DEFB131A: variants seen among roughly 807,000 people sequenced by gnomAD.
DEFB131A encodes the protein defensin beta 131A.
Under a neutral mutation model 2.4 loss-of-function variants are expected in DEFB131A, and 5 were observed. The ratio of observed to expected loss-of-function variants is 2.12; its 90% CI spans 1.11 to 4.47. DEFB131A has a LOEUF of 4.47. Among genes scored for constraint, DEFB131A ranks in the 30% most tolerant of loss-of-function variants. The pLI, the probability that DEFB131A is intolerant of heterozygous loss-of-function variation, is 0.00. For missense variants in DEFB131A, 120 were observed against 79.9 expected (o/e 1.50, Z -1.91); for synonymous variants, 34 against 25.7 (o/e 1.32, Z -0.97).
chr4:9,447,584 C>T (rs1400908989), intron 1 of DEFB131A, among the ~76,000 whole-genome samples: 2 of 152,090 alleles, frequency 1.3e-5, no homozygotes, highest in Non-Finnish European at 2.9e-5. Context: ...TGCTTGCCTT[C>T]TTGCCATGTC....
chr4:9,447,731 A>C (rs1400039915), intron 1 of DEFB131A, among the ~76,000 whole-genome samples: 1 of 151,960 alleles, frequency 6.6e-6, no homozygotes, highest in African/African-American at 2.4e-5. Context: ...AAAAAAAAAA[A>C]AACTTATCTT....
chr4:9,448,461 G>C (rs1260061646), intron 1 of DEFB131A, among the ~76,000 whole-genome samples: 1 of 151,982 alleles, frequency 6.6e-6, no homozygotes. Flanking sequence ...GCAATCTCGT[G>C]CCTCAGCCAG....
At chr4:9,446,491 G>A (rs1389943752) in intron 1 of DEFB131A, among the ~76,000 whole-genome samples, 1 of 151,884 alleles carries the variant, frequency 6.6e-6, no homozygotes, top group Non-Finnish European at 1.5e-5. Context: ...TTTTGTTCTT[G>A]GTTAGTCTAG....
intron 1 of DEFB131A, 135 bp downstream of exon 1, chr4:9,444,726 G>A: frequency 2.4e-6 from 2 of 837,750 alleles, no homozygotes; most frequent in Non-Finnish European, 3.7e-6. Context: ...GAGGATTGAA[G>A]AGTTGATACT....
At chr4:9,445,939 C>T in intron 1 of DEFB131A, among the ~76,000 whole-genome samples, 1 of 152,050 alleles carries the variant, frequency 6.6e-6, no homozygotes, top group African/African-American at 2.4e-5. Context: ...TCATGTCTGC[C>T]TTCTTTTATT....
At chr4:9,446,705 C>T (rs913080126) in intron 1 of DEFB131A, among the ~76,000 whole-genome samples, 1 of 152,002 alleles carries the variant, frequency 6.6e-6, no homozygotes, top group Non-Finnish European at 1.5e-5. Flanking sequence ...TTACCATGTT[C>T]TTGCAGTAGG....
chr4:9,444,737 A>G (rs1038760863), intron 1 of DEFB131A, 146 bp downstream of exon 1: 13 of 787,436 alleles, frequency 1.7e-5, no homozygotes, highest in Admixed American at 8.6e-5. Flanking sequence ...AGTTGATACT[A>G]AAGAAATAAA....
intron 1 of DEFB131A, among the ~76,000 whole-genome samples, chr4:9,450,052 C>T (rs181419328): frequency 2.7e-4 from 41 of 152,200 alleles, no homozygotes; most frequent in African/African-American, 9.9e-4. Context: ...ACATTATTTC[C>T]TGCATTATGA....
chr4:9,445,295 C>T (rs553143890), intron 1 of DEFB131A, among the ~76,000 whole-genome samples: 106 of 151,968 alleles, frequency 7.0e-4, no homozygotes, highest in African/African-American at 1.7e-3. Context: ...AGGACCTAGC[C>T]TCTGTGTTCC....
intron 1 of DEFB131A, among the ~76,000 whole-genome samples, chr4:9,445,162 G>T (rs2108836693): frequency 6.6e-6 from 1 of 152,162 alleles, no homozygotes; most frequent in African/African-American, 2.4e-5. Flanking sequence ...ACAGAACACA[G>T]GAAATTTAAA....
intron 1 of DEFB131A, among the ~76,000 whole-genome samples, chr4:9,448,750 C>A (rs1262055183): frequency 6.6e-6 from 1 of 152,120 alleles, no homozygotes; most frequent in African/African-American, 2.4e-5. Context: ...TGGTGAAAAA[C>A]TAAAAGCTTT....
At chr4:9,447,248 T>A (rs534024879) in intron 1 of DEFB131A, among the ~76,000 whole-genome samples, 76 of 152,314 alleles carry the variant, frequency 5.0e-4, no homozygotes, top group Non-Finnish European at 8.2e-4. Context: ...ATGACATTTT[T>A]AATATATCTA....
At chr4:9,446,077 G>A (rs535115855) in intron 1 of DEFB131A, among the ~76,000 whole-genome samples, 1 of 152,092 alleles carries the variant, frequency 6.6e-6, no homozygotes, top group African/African-American at 2.4e-5. Context: ...CACTCTAAAG[G>A]AATGAATTTT....
At chr4:9,444,662 G>T (rs1375405243) in intron 1 of DEFB131A, 71 bp downstream of exon 1, 13 of 1,517,450 alleles carry the variant, frequency 8.6e-6, no homozygotes, top group Admixed American at 3.7e-5. Context: ...TCTTTCAAGA[G>T]TCTGAAAATA....
chr4:9,450,149 G>A (rs1464473295), intron 1 of DEFB131A, among the ~76,000 whole-genome samples: 1 of 152,112 alleles, frequency 6.6e-6, no homozygotes, highest in East Asian at 1.9e-4. Context: ...TGCATTTCCA[G>A]CTACTGCCTC....
intron 1 of DEFB131A, among the ~76,000 whole-genome samples, chr4:9,449,551 G>A (rs951656450): frequency 2.0e-5 from 3 of 151,294 alleles, no homozygotes; most frequent in Non-Finnish European, 4.4e-5. Flanking sequence ...AACTCAAAAT[G>A]AACTACACAT....
At chr4:9,446,545 T>G (rs1467593948) in intron 1 of DEFB131A, among the ~76,000 whole-genome samples, 1 of 152,096 alleles carries the variant, frequency 6.6e-6, no homozygotes, top group Non-Finnish European at 1.5e-5. Context: ...AAAGTCAACT[T>G]TTTGTTTCAT....
At position 9,450,654 on chromosome 4, in the gene DEFB131A, A is replaced by G. The variant is rs879918279; in HGVS notation, c.*140A>G. 128 of 1,268,282 alleles carry G rather than the reference A, an allele frequency of 1.0e-4. 1 individual carries two copies. Among genetic ancestry groups the G allele is most frequent in the Middle Eastern group, 2.8e-4 (1 of 3,624 alleles). The allele number at this position is 1,268,282 out of a possible 1,614,324, so 78.6% of individuals were successfully genotyped here. On this transcript the variant is annotated 3_prime_UTR_variant, in exon 2 of 2. Coordinates refer to ENST00000334879, the MANE Select transcript of DEFB131A (RefSeq NM_001040448.3). The stretch of plus-strand genomic sequence containing the variant: ...TCAGGTGAAAATGAATATAAATTTT[A>G]TAAATGCTTCCACTCTATTTTCATT...
At chr4:9,448,877 C>T (rs111875746) in intron 1 of DEFB131A, among the ~76,000 whole-genome samples, 1,902 of 152,178 alleles carry the variant, frequency 0.012, 38 homozygotes, top group African/African-American at 0.044. Context: ...GGCATCCAAA[C>T]AGTTGGGGGG....
Sources: allele counts gnomAD v4.1 joint callset (sites outside exome capture counted in the v4.1 genomes callset), GRCh38; gene constraint gnomAD v4.1.1; transcripts MANE v1.5; gene names NCBI Gene and HGNC (gene_info 2026-07-23, HGNC 2026-07-21).